MBNL2: variants seen among roughly 807,000 people sequenced by gnomAD.
MBNL2 encodes the protein muscleblind like splicing regulator 2, also known as muscleblind-like protein 2.
A neutral mutation model predicts 41.9 loss-of-function variants in MBNL2; 17 were observed. That is an observed-to-expected ratio of 0.41 (90% confidence interval 0.28 to 0.61). The LOEUF is 0.61. MBNL2 is among the 20% of genes least tolerant of loss of function. The pLI is 0.35. For missense variants in MBNL2, 336 were observed against 505.6 expected, an observed-to-expected ratio of 0.66 and a Z score of 3.22; for synonymous variants, 195 against 182.9, an observed-to-expected ratio of 1.07 and a Z score of -0.53.
intron 1 of MBNL2, among the ~76,000 whole-genome samples, chr13:97,257,328 C>A (rs115865995): frequency 6.6e-6 from 1 of 152,208 alleles, no homozygotes; most frequent in African/African-American, 2.4e-5. Context: ...AAATAATGAA[C>A]AAGTAACTTG....
the MBNL2 span, among the ~76,000 whole-genome samples, chr13:97,181,073 ATC>A: frequency 3.4e-3 from 480 of 139,138 alleles, 6 homozygotes; most frequent in South Asian, 0.015. Flanking sequence ...CTTCAACTCA[ATC>A]TCTCTCTCTC....
chr13:97,187,322 G>T, the MBNL2 span, among the ~76,000 whole-genome samples: 1 of 152,022 alleles, frequency 6.6e-6, no homozygotes, highest in Non-Finnish European at 1.5e-5. Context: ...ATCCACCACT[G>T]AGATTTAGTC....
At position 97,238,520 on chromosome 13, in the gene MBNL2, T is replaced by G. The variant is rs141976281; in HGVS notation, c.-605+15989T>G. ...GGTGAGAATGGGAAATGGTGGCAGA[T>G]CCTAAAGAAAGTTCAATAAAGATGA... is the stretch of plus-strand genomic sequence containing the variant. On this transcript the variant is annotated intron_variant, in intron 1 of 8. Transcript: ENST00000679496. Among the ~76,000 whole-genome samples the G allele has an allele frequency of 5.3e-5, 8 of 152,234 alleles. No homozygotes were observed. The East Asian group carries it at 1.5e-3, about 29-fold the overall frequency.
chr13:97,235,607 A>C (rs1367308584), intron 1 of MBNL2, among the ~76,000 whole-genome samples: 4 of 152,154 alleles, frequency 2.6e-5, no homozygotes, highest in Non-Finnish European at 4.4e-5. Flanking sequence ...TCTTCCTTCC[A>C]GTTTGATAAA....
chr13:97,352,508 T>C (rs1236217661), intron 5 of MBNL2, among the ~76,000 whole-genome samples: 1 of 152,162 alleles, frequency 6.6e-6, no homozygotes, highest in African/African-American at 2.4e-5. Flanking sequence ...ATGACGTTTA[T>C]CGATTAAGTT....
At position 97,270,839 on chromosome 13, in the gene MBNL2, G is replaced by C. The variant is rs114203381; in HGVS notation, c.-604-4793G>C. 6.2e-3 allele frequency among the ~76,000 whole-genome samples: 942 copies of C among 152,264 alleles called. 9 individuals are homozygous for C. The highest frequency in any genetic ancestry group is 0.022 in the African/African-American group (897 of 41,534). The stretch of plus-strand genomic sequence containing the variant: ...CCCTCCATTGCTCTTATCTTTGGTA[G>C]AACCATCTAACCTAGCTCAAGTGGC... On this transcript the variant is annotated intron_variant, in intron 1 of 8. Transcript: ENST00000679496.
the MBNL2 span, among the ~76,000 whole-genome samples, chr13:97,162,772 A>G: frequency 3.9e-5 from 6 of 152,252 alleles, no homozygotes; most frequent in African/African-American, 1.4e-4. Context: ...AACCTATGAA[A>G]GATAATGTTT....
the MBNL2 span, among the ~76,000 whole-genome samples, chr13:97,180,822 A>G: frequency 6.6e-6 from 1 of 151,984 alleles, no homozygotes; most frequent in Non-Finnish European, 1.5e-5. Flanking sequence ...AATTGTCACA[A>G]TCTATCTGTT....
chr13:97,286,804 T>C (rs554518577), intron 2 of MBNL2, among the ~76,000 whole-genome samples: 1 of 152,296 alleles, frequency 6.6e-6, no homozygotes, highest in East Asian at 1.9e-4. Context: ...GTCTGGTCTT[T>C]GCTTAAATGC....
At chr13:97,200,012 C>T in the MBNL2 span, among the ~76,000 whole-genome samples, 2 of 152,206 alleles carry the variant, frequency 1.3e-5, no homozygotes, top group Non-Finnish European at 2.9e-5. Flanking sequence ...GAGATGAAAG[C>T]TGGAAATAAT....
chr13:97,288,593 A>G (rs1181961600), intron 2 of MBNL2, among the ~76,000 whole-genome samples: 1 of 152,216 alleles, frequency 6.6e-6, no homozygotes, highest in African/African-American at 2.4e-5. Context: ...TGGGGAGACC[A>G]GGTTTGTTCT....
intron 2 of MBNL2, among the ~76,000 whole-genome samples, chr13:97,307,856 A>T (rs2058260986): frequency 6.6e-6 from 1 of 152,172 alleles, no homozygotes; most frequent in South Asian, 2.1e-4. Context: ...GAGGGCACGG[A>T]TCGTATTTTC....
At chr13:97,232,625 G>A (rs940124070) in intron 1 of MBNL2, among the ~76,000 whole-genome samples, 1 of 152,114 alleles carries the variant, frequency 6.6e-6, no homozygotes, top group African/African-American at 2.4e-5. Context: ...AGCAAAAAGG[G>A]TTTGCTTTAG....
At chr13:97,365,037 C>T in intron 7 of MBNL2, 99 bp from the exon 8 acceptor site, 1 of 816,268 alleles carries the variant, frequency 1.2e-6, no homozygotes, top group Non-Finnish European at 2.2e-6. Context: ...CTACTTATTT[C>T]TGGTTGTGCT....
At chr13:97,172,122 G>C in the MBNL2 span, among the ~76,000 whole-genome samples, 1 of 152,154 alleles carries the variant, frequency 6.6e-6, no homozygotes. Context: ...AGATGAGGGT[G>C]AAGAGCTTGT....
At chr13:97,240,769 T>C (rs1375829553) in intron 1 of MBNL2, among the ~76,000 whole-genome samples, 2 of 152,212 alleles carry the variant, frequency 1.3e-5, no homozygotes, top group African/African-American at 4.8e-5. Flanking sequence ...ATGTAGCTGC[T>C]TTTGAAAACA....
chr13:97,282,660 T>C (rs1218674061), intron 2 of MBNL2, among the ~76,000 whole-genome samples: 2 of 152,252 alleles, frequency 1.3e-5, no homozygotes, highest in East Asian at 3.8e-4. Context: ...TTAAAGATTC[T>C]TGGACCCACC....
At chr13:97,319,709 C>A (rs2059346077) in intron 2 of MBNL2, among the ~76,000 whole-genome samples, 1 of 152,182 alleles carries the variant, frequency 6.6e-6, no homozygotes, top group Non-Finnish European at 1.5e-5. Flanking sequence ...TTTATCAAGT[C>A]ATTCTCTGTA....
At chr13:97,379,280 A>G (rs1410261390) in intron 8 of MBNL2, among the ~76,000 whole-genome samples, 2 of 152,204 alleles carry the variant, frequency 1.3e-5, no homozygotes, top group Non-Finnish European at 2.9e-5. Context: ...CAGAGCTAGA[A>G]AGCACTGAGA....
Sources: gnomAD v4.1 joint callset for allele counts (sites outside exome capture counted in the v4.1 genomes callset) on GRCh38, gnomAD v4.1.1 for gene constraint, MANE v1.5 for transcripts, NCBI Gene and HGNC (gene_info 2026-07-23, HGNC 2026-07-21) for gene names.